PDZK1: variants seen among roughly 807,000 people sequenced by gnomAD.
The protein encoded by PDZK1 is Na(+)/H(+) exchange regulatory cofactor NHE-RF3.
In PDZK1, 23 loss-of-function variants were observed where a neutral mutation model predicts 38.1. The observed-to-expected ratio is 0.60, with a 90% CI of 0.43 to 0.85. The LOEUF (loss-of-function observed/expected upper bound fraction) is 0.85. Ranked by LOEUF, PDZK1 falls within the 40% of genes least tolerant of loss-of-function variation. PDZK1 has a pLI of 0.00. For missense variants in PDZK1, 297 were observed against 504.3 expected (o/e 0.59, Z 3.94); for synonymous variants, 98 against 186.2 (o/e 0.53, Z 3.86).
intron 1 of PDZK1, among the ~76,000 whole-genome samples, chr1:145,689,271 G>A (rs587668104): frequency 6.6e-6 from 1 of 152,294 alleles, no homozygotes; most frequent in South Asian, 2.1e-4. Context: ...TAGAGACAGT[G>A]TCTTGCTTTG....
intron 1 of PDZK1, among the ~76,000 whole-genome samples, chr1:145,697,362 GAGAA>G (rs1177664904): frequency 3.3e-5 from 5 of 151,792 alleles, no homozygotes; most frequent in African/African-American, 9.7e-5. Context: ...AAGAGAGAAA[GAGAA>G]AGAGAGAAAA....
chr1:145,686,838 T>C lies in PDZK1; in HGVS notation c.211-112A>G, dbSNP rs1210303061. ...CCTGGAGATGCTGCTAGTTGACCCT[T>C]GACACCCAAGTAGAAGCAGGTAGTT... On this transcript the variant is annotated intron_variant, in intron 2 of 8. Coordinates refer to ENST00000417171, the MANE Select transcript of PDZK1 (RefSeq NM_001201325.2). 5.4e-6 allele frequency: 4 copies of C among 743,806 alleles called. No homozygotes were observed. In the South Asian group the frequency reaches 7.4e-5, roughly 14 times the overall value. The allele number at this position is 743,806 out of a possible 1,614,324, so 46.1% of individuals were successfully genotyped here.
At chr1:145,676,672 G>A (rs1372000729) in intron 6 of PDZK1, among the ~76,000 whole-genome samples, 4 of 148,318 alleles carry the variant, frequency 2.7e-5, no homozygotes, top group South Asian at 2.2e-4. Flanking sequence ...ATTGCAGTGA[G>A]CTGAGATGGC....
At chr1:145,676,588 T>G (rs1300220153) in intron 6 of PDZK1, among the ~76,000 whole-genome samples, 1 of 148,834 alleles carries the variant, frequency 6.7e-6, no homozygotes, top group Non-Finnish European at 1.5e-5. Context: ...TAGCTGGGCA[T>G]GGTGGTGCGC....
At chr1:145,694,535 G>A (rs976658461) in intron 1 of PDZK1, among the ~76,000 whole-genome samples, 9 of 152,138 alleles carry the variant, frequency 5.9e-5, no homozygotes, top group Non-Finnish European at 1.2e-4. Context: ...TGGTTGAAAG[G>A]ATAAAGTTAT....
chr1:145,693,065 G>T (rs12096423), intron 1 of PDZK1, among the ~76,000 whole-genome samples: 1 of 152,026 alleles, frequency 6.6e-6, no homozygotes, highest in Non-Finnish European at 1.5e-5. Flanking sequence ...CAAAACATGG[G>T]CCAGGGGTAA....
chr1:145,682,893 C>G (rs1654406948), intron 3 of PDZK1, among the ~76,000 whole-genome samples: 1 of 152,188 alleles, frequency 6.6e-6, no homozygotes, highest in Non-Finnish European at 1.5e-5. Context: ...TACCCTTTCC[C>G]TATGGTATAT....
At chr1:145,673,077 G>A in intron 7 of PDZK1, 57 bp from the exon 8 acceptor site, 1 of 1,435,320 alleles carries the variant, frequency 7.0e-7, no homozygotes, top group Non-Finnish European at 9.8e-7. Context: ...CATCAGACTA[G>A]CTCTCCTTAA....
intron 3 of PDZK1, among the ~76,000 whole-genome samples, chr1:145,683,359 A>G (rs587749245): frequency 3.3e-4 from 50 of 152,372 alleles, no homozygotes; most frequent in African/African-American, 1.1e-3. Flanking sequence ...ACATGCCCAC[A>G]CTGCATTATT....
chr1:145,677,163 G>A (rs1323270532), intron 6 of PDZK1, among the ~76,000 whole-genome samples: 15 of 152,120 alleles, frequency 9.9e-5, no homozygotes, highest in Admixed American at 2.0e-4. Context: ...TATTTGGATG[G>A]GGCAACCACT....
At chr1:145,696,322 C>T (rs781957708) in intron 1 of PDZK1, among the ~76,000 whole-genome samples, 25 of 152,314 alleles carry the variant, frequency 1.6e-4, no homozygotes, top group Non-Finnish European at 3.2e-4. Flanking sequence ...GCCTGGATAG[C>T]TTTCCTACTT....
chr1:145,684,396 G>T (rs1295816569), intron 3 of PDZK1, among the ~76,000 whole-genome samples: 1 of 151,918 alleles, frequency 6.6e-6, no homozygotes, highest in African/African-American at 2.4e-5. Context: ...TTTTAGTAGA[G>T]ACAGGGTTTC....
At chr1:145,677,932 A>C (rs1336890015) in intron 6 of PDZK1, among the ~76,000 whole-genome samples, 13 of 150,538 alleles carry the variant, frequency 8.6e-5, no homozygotes, top group East Asian at 3.9e-4. Flanking sequence ...AAAAAAAAAA[A>C]AAAAAAACCT....
chr1:145,692,697 G>A (rs782788735), intron 1 of PDZK1, among the ~76,000 whole-genome samples: 2 of 147,294 alleles, frequency 1.4e-5, no homozygotes, highest in African/African-American at 5.0e-5. Flanking sequence ...ACAACAGTGA[G>A]ATTCCGTCTC....
Position 145,687,859 on chromosome 1 carries a change from C to T in PDZK1, c.163G>A (p.Val55Ile), listed in dbSNP as rs2101905392. 1.2e-6 allele frequency: 2 copies of T among 1,614,104 alleles called. No individual in the cohort carries two copies. Among genetic ancestry groups the T allele is most frequent in the African/African-American group, 1.3e-5 (1 of 75,024 alleles). The change falls in exon 2 of 9, where the codon GTT becomes ATT. Residue 55 changes from valine (V) to isoleucine (I), a missense_variant. Transcript: ENST00000417171. ...ACAAAGACACCATTGATCCTAAGAA[C>T]TCTGTCTCCATCTTGAAGGCCAGCC... ...EKAGLQDGDR[V>I]LRINGVFVDK...
chr1:145,686,724 A>C lies in PDZK1; in HGVS notation c.213T>G (p.Val71=), dbSNP rs1654807965. The C allele has an allele frequency of 6.8e-7, 1 of 1,462,146 alleles. No individual in the cohort carries two copies. The highest frequency in any genetic ancestry group is 1.2e-5 in the South Asian group (1 of 80,852). The allele number at this position is 1,462,146 out of a possible 1,614,324, so 90.6% of individuals were successfully genotyped here. ...TCCCACTCTTTCTGACCAGATCCAC[A>C]ACCTAGGAGGGAAGAAGAAAAAGGT... ...VFVDKEEHMQ[V]VDLVRKSGNS... is the part of the protein sequence containing the mutation. Residue 71 remains valine (V), a splice_region_variant and synonymous_variant, in exon 3 of 9, where the codon GTT becomes GTG. Coordinates refer to ENST00000417171, the MANE Select transcript of PDZK1 (RefSeq NM_001201325.2).
chr1:145,694,506 T>C (rs910301957), intron 1 of PDZK1, among the ~76,000 whole-genome samples: 19 of 152,210 alleles, frequency 1.2e-4, no homozygotes, highest in Non-Finnish European at 2.6e-4. Context: ...CCCTCACTTA[T>C]ATGCAAAACA....
chr1:145,688,091 C>T, intron 1 of PDZK1, 68 bp from the exon 2 acceptor site: 2 of 1,277,962 alleles, frequency 1.6e-6, no homozygotes, highest in Admixed American at 3.4e-5. Flanking sequence ...GAACCCCATC[C>T]TCCATCTCCT....
intron 1 of PDZK1, among the ~76,000 whole-genome samples, chr1:145,694,376 T>C (rs1158745872): frequency 6.6e-6 from 1 of 152,208 alleles, no homozygotes; most frequent in African/African-American, 2.4e-5. Flanking sequence ...TCAGTTAGCA[T>C]GCTGGGGCAG....
Sources: allele counts gnomAD v4.1 joint callset (sites outside exome capture counted in the v4.1 genomes callset), GRCh38; gene constraint gnomAD v4.1.1; transcripts MANE v1.5; gene names NCBI Gene and HGNC (gene_info 2026-07-23, HGNC 2026-07-21).